TOX: variants seen among roughly 807,000 people sequenced by gnomAD.
The protein encoded by TOX is thymocyte selection associated high mobility group box.
A neutral mutation model predicts 53.7 loss-of-function variants in TOX; 11 were observed. The observed-to-expected ratio is 0.20, with a 90% CI of 0.13 to 0.34. The LOEUF (loss-of-function observed/expected upper bound fraction) is 0.34, where lower values mean the gene tolerates loss of function less well. TOX is among the 10% of genes least tolerant of loss of function. The pLI, the probability that TOX is intolerant of heterozygous loss-of-function variation, is 1.00. For missense variants in TOX, 570 were observed against 664.6 expected, an observed-to-expected ratio of 0.86 and a Z score of 1.56; for synonymous variants, 225 against 245.3, an observed-to-expected ratio of 0.92 and a Z score of 0.77.
intron 1 of TOX, among the ~76,000 whole-genome samples, chr8:59,092,328 TTA>T (rs1586014771): frequency 8.8e-6 from 1 of 113,396 alleles, no homozygotes; most frequent in Non-Finnish European, 1.6e-5. Flanking sequence ...CATATATATA[TTA>T]TATATTATAT....
intron 2 of TOX, among the ~76,000 whole-genome samples, chr8:58,957,517 A>G (rs1812731369): frequency 6.6e-6 from 1 of 152,230 alleles, no homozygotes; most frequent in Non-Finnish European, 1.5e-5. Flanking sequence ...GGGACTGTCT[A>G]AAAGAATATC....
chr8:58,820,227 G>A (rs565945239), intron 6 of TOX, among the ~76,000 whole-genome samples: 1 of 150,940 alleles, frequency 6.6e-6, no homozygotes, highest in Non-Finnish European at 1.5e-5. Context: ...ACTGACTATG[G>A]AAACAGAGAA....
rs936032049 is a variant in TOX, at chr8:58,869,055, C to T, written c.412-17250G>A. Among the ~76,000 whole-genome samples the T allele has an allele frequency of 7.9e-5, 12 of 151,652 alleles. 1 individual carries two copies. The highest frequency in any genetic ancestry group is 1.9e-4 in the East Asian group (1 of 5,166). On this transcript the variant is annotated intron_variant, in intron 3 of 8. Coordinates refer to ENST00000361421, the MANE Select transcript of TOX (RefSeq NM_014729.3). Reference sequence around the variant, plus strand: ...AATCCTGGCCAACATGGTGAAACCCCGTCTCTACTAAAATACAAAAAATTA... The same window carrying T: ...AATCCTGGCCAACATGGTGAAACCCTGTCTCTACTAAAATACAAAAAATTA...
chr8:59,082,448 C>G (rs916918734), intron 1 of TOX, among the ~76,000 whole-genome samples: 1 of 152,260 alleles, frequency 6.6e-6, no homozygotes. Context: ...AACAGTATGA[C>G]TGTGCAGCTA....
intron 1 of TOX, among the ~76,000 whole-genome samples, chr8:59,026,033 T>C (rs1482151475): frequency 6.6e-6 from 1 of 151,952 alleles, no homozygotes; most frequent in Non-Finnish European, 1.5e-5. Flanking sequence ...GTTTCAAGAG[T>C]GGCAAAAAAA....
intron 2 of TOX, among the ~76,000 whole-genome samples, chr8:58,944,995 C>T (rs971511003): frequency 2.0e-5 from 3 of 152,124 alleles, no homozygotes; most frequent in Non-Finnish European, 2.9e-5. Context: ...TTTATTCTAA[C>T]GGAATTAAAT....
chr8:59,116,447 G>GA (rs1292656438), intron 1 of TOX, among the ~76,000 whole-genome samples: 1 of 152,146 alleles, frequency 6.6e-6, no homozygotes, highest in Non-Finnish European at 1.5e-5. Flanking sequence ...TCATGTCATT[G>GA]CAAAAACAAA....
rs367955482 is a variant in TOX, at chr8:59,074,354, C to G, written c.102+44532G>C. On this transcript the variant is annotated intron_variant, in intron 1 of 8. Coordinates refer to ENST00000361421, the MANE Select transcript of TOX (RefSeq NM_014729.3). The stretch of plus-strand genomic sequence containing the variant: ...TATTTGTAGAGCAGAGAAAAAGAAG[C>G]AGATGAAGAGTGAAGCATCTTTCTT... Among the ~76,000 whole-genome samples, 18 of 152,172 alleles carry G rather than the reference C, an allele frequency of 1.2e-4. No individual in the cohort carries two copies. In the East Asian group the frequency reaches 3.1e-3, roughly 26 times the overall value.
chr8:59,020,539 C>T (rs910675248), intron 1 of TOX, among the ~76,000 whole-genome samples: 3 of 152,180 alleles, frequency 2.0e-5, no homozygotes, highest in Middle Eastern at 3.2e-3. Flanking sequence ...GATATAGCTC[C>T]TGTCAAAGTC....
Position 58,977,393 on chromosome 8 carries a change from T to G in TOX, c.103-17385A>C, listed in dbSNP as rs1485395623. On this transcript the variant is annotated intron_variant, in intron 1 of 8. Coordinates refer to ENST00000361421, the MANE Select transcript of TOX (RefSeq NM_014729.3). ...TAGGCCTTGGTTTAAGGGAATGCAGTGGCTGCTTTGATCTTCTATCCAGAT... is the reference window on the plus strand; with the variant it reads ...TAGGCCTTGGTTTAAGGGAATGCAGGGGCTGCTTTGATCTTCTATCCAGAT... 2.0e-5 allele frequency among the ~76,000 whole-genome samples: 3 copies of G among 152,246 alleles called. No individual in the cohort carries two copies. In the East Asian group the frequency reaches 5.8e-4, roughly 29 times the overall value.
At chr8:59,086,202 C>T (rs542742126) in intron 1 of TOX, among the ~76,000 whole-genome samples, 2 of 152,080 alleles carry the variant, frequency 1.3e-5, no homozygotes, top group Admixed American at 1.3e-4. Context: ...TGAGGCTGGT[C>T]TCATACTCCA....
At position 58,897,889 on chromosome 8, in the gene TOX, GA is replaced by G. The variant is rs1811679043; in HGVS notation, c.411+41412del. 2.6e-5 allele frequency among the ~76,000 whole-genome samples: 4 copies of G among 151,726 alleles called. No homozygotes were observed. The South Asian group carries it at 6.2e-4, about 24-fold the overall frequency. ...TGGCTAGTTCTTGATTGTGTCTATG[GA>G]AAAAAATTTTTTAATTAAAGTTTTT... On this transcript the variant is annotated intron_variant, in intron 3 of 8. Transcript: ENST00000361421.
chr8:59,023,001 T>C (rs1814163929), intron 1 of TOX, among the ~76,000 whole-genome samples: 1 of 152,180 alleles, frequency 6.6e-6, no homozygotes, highest in Non-Finnish European at 1.5e-5. Context: ...CCAGTTACTA[T>C]TATGAGCTCT....
At chr8:58,817,549 C>T (rs1810201891) in intron 6 of TOX, among the ~76,000 whole-genome samples, 1 of 152,158 alleles carries the variant, frequency 6.6e-6, no homozygotes, top group Admixed American at 6.5e-5. Context: ...ACATGTACTG[C>T]AATTCATATG....
intron 3 of TOX, among the ~76,000 whole-genome samples, chr8:58,900,418 A>G (rs1039066912): frequency 6.6e-6 from 1 of 152,150 alleles, no homozygotes; most frequent in African/African-American, 2.4e-5. Flanking sequence ...CATCTATATA[A>G]TAATATCGAA....
intron 5 of TOX, among the ~76,000 whole-genome samples, chr8:58,837,111 A>G (rs1384749166): frequency 6.6e-6 from 1 of 152,224 alleles, no homozygotes; most frequent in Non-Finnish European, 1.5e-5. Context: ...AGATCCTTCT[A>G]GATGCATAAA....
At chr8:58,956,605 T>G (rs1331032867) in intron 2 of TOX, among the ~76,000 whole-genome samples, 1 of 152,094 alleles carries the variant, frequency 6.6e-6, no homozygotes, top group East Asian at 1.9e-4. Context: ...AATACTATAT[T>G]ATTATTATTA....
intron 3 of TOX, among the ~76,000 whole-genome samples, chr8:58,872,130 G>C (rs1161668910): frequency 6.6e-6 from 1 of 151,976 alleles, no homozygotes; most frequent in Non-Finnish European, 1.5e-5. Flanking sequence ...CACACATACA[G>C]AGTGGTGAGT....
At chr8:58,956,904 C>T (rs777894927) in intron 2 of TOX, among the ~76,000 whole-genome samples, 3 of 152,236 alleles carry the variant, frequency 2.0e-5, no homozygotes, top group East Asian at 1.9e-4. Flanking sequence ...TGAGCCACCA[C>T]GCCCAGCCCT....
Sources: allele counts gnomAD v4.1 joint callset (sites outside exome capture counted in the v4.1 genomes callset), GRCh38; gene constraint gnomAD v4.1.1; transcripts MANE v1.5; gene names NCBI Gene and HGNC (gene_info 2026-07-23, HGNC 2026-07-21).